Variants in ZNF438 observed in about 807,000 individuals in gnomAD.
The protein encoded by ZNF438 is zinc finger protein 438.
Under a neutral mutation model 38.0 loss-of-function variants are expected in ZNF438, and 25 were observed. That is an observed-to-expected ratio of 0.66 (90% CI 0.48 to 0.92). ZNF438 has a LOEUF of 0.92. ZNF438 is among the 40% of genes least tolerant of loss of function. The pLI is 0.00. For missense variants in ZNF438, 1,007 were observed against 999.6 expected (o/e 1.01, Z -0.10); for synonymous variants, 372 against 364.1 (o/e 1.02, Z -0.25).
intron 1 of ZNF438, among the ~76,000 whole-genome samples, chr10:30,980,332 C>T (rs1342197974): frequency 6.6e-6 from 1 of 151,290 alleles, no homozygotes; most frequent in Admixed American, 6.6e-5. Flanking sequence ...TAAGGAAGGC[C>T]GGTTAGAAGA....
intron 2 of ZNF438, among the ~76,000 whole-genome samples, chr10:30,925,560 C>G (rs2044817087): frequency 6.6e-6 from 1 of 152,136 alleles, no homozygotes; most frequent in South Asian, 2.1e-4. Flanking sequence ...TTTGCTATCC[C>G]CTTCACAGTG....
intron 1 of ZNF438, among the ~76,000 whole-genome samples, chr10:30,945,462 T>C (rs2047291017): frequency 6.6e-6 from 1 of 152,008 alleles, no homozygotes; most frequent in African/African-American, 2.4e-5. Flanking sequence ...GCAGGTTAGT[T>C]ACATACGTAT....
intron 2 of ZNF438, among the ~76,000 whole-genome samples, chr10:30,938,628 C>G (rs1324781256): frequency 6.6e-6 from 1 of 152,200 alleles, no homozygotes; most frequent in Non-Finnish European, 1.5e-5. Flanking sequence ...AGTATCCTTA[C>G]AACCATGGGG....
intron 1 of ZNF438, among the ~76,000 whole-genome samples, chr10:31,012,345 G>A (rs934958300): frequency 2.6e-5 from 4 of 151,930 alleles, no homozygotes; most frequent in African/African-American, 2.4e-5. Flanking sequence ...GGATGGTCTC[G>A]ATCTCCTGAC....
At chr10:30,866,704 G>A (rs530860883) in intron 4 of ZNF438, among the ~76,000 whole-genome samples, 1 of 152,168 alleles carries the variant, frequency 6.6e-6, no homozygotes, top group African/African-American at 2.4e-5. Flanking sequence ...CGTGGTGACA[G>A]GCACCTGTAG....
chr10:30,896,450 A>C (rs187065979), intron 3 of ZNF438, among the ~76,000 whole-genome samples: 5 of 152,358 alleles, frequency 3.3e-5, no homozygotes, highest in Non-Finnish European at 5.9e-5. Context: ...TGTGATATAT[A>C]CATACAATGG....
rs554160209 is a variant in ZNF438 at position 30,938,441 on chromosome 10, A to G, written c.-115+3134T>C. Among the ~76,000 whole-genome samples the G allele has an allele frequency of 1.3e-3, 196 of 151,724 alleles. 4 individuals are homozygous for G. In the South Asian group the frequency reaches 0.03, roughly 23 times the overall value. On this transcript the variant is annotated intron_variant, in intron 2 of 5. Transcript: ENST00000413025. Reference sequence around the variant, plus strand: ...CAGGTGCACGCCACCATGCCTGGCTAATTTGTGTATTTTTAGTAGAGATGG... The same window carrying G: ...CAGGTGCACGCCACCATGCCTGGCTGATTTGTGTATTTTTAGTAGAGATGG...
intron 2 of ZNF438, among the ~76,000 whole-genome samples, chr10:30,921,663 A>G (rs1307377392): frequency 6.6e-6 from 1 of 152,100 alleles, no homozygotes; most frequent in Admixed American, 6.5e-5. Context: ...TTAAGTTTGG[A>G]CTTTTTGTTG....
intron 5 of ZNF438, among the ~76,000 whole-genome samples, chr10:30,846,564 G>A (rs1050626620): frequency 2.6e-5 from 4 of 152,238 alleles, no homozygotes; most frequent in Non-Finnish European, 5.9e-5. Context: ...CACACTTCAT[G>A]GAGCCAGTGG....
chr10:30,925,883 G>A (rs576228817), intron 2 of ZNF438, among the ~76,000 whole-genome samples: 1 of 152,188 alleles, frequency 6.6e-6, no homozygotes, highest in South Asian at 2.1e-4. Context: ...TACAATTTGG[G>A]TACATTTATC....
intron 4 of ZNF438, among the ~76,000 whole-genome samples, chr10:30,868,703 A>T (rs1053665913): frequency 6.6e-6 from 1 of 152,266 alleles, no homozygotes; most frequent in East Asian, 1.9e-4. Context: ...CACACTAACC[A>T]TCTGCATAAA....
chr10:30,946,834 T>C (rs1270716853), intron 1 of ZNF438, among the ~76,000 whole-genome samples: 2 of 152,214 alleles, frequency 1.3e-5, no homozygotes, highest in African/African-American at 4.8e-5. Context: ...GAATACTTTT[T>C]AGTTTTCCAT....
intron 1 of ZNF438, among the ~76,000 whole-genome samples, chr10:30,963,020 T>C (rs920082783): frequency 1.3e-5 from 2 of 152,202 alleles, no homozygotes; most frequent in Non-Finnish European, 2.9e-5. Context: ...ATAAATTATA[T>C]TCATTTTAAA....
At chr10:30,987,209 T>G (rs937675659) in intron 1 of ZNF438, among the ~76,000 whole-genome samples, 2 of 151,904 alleles carry the variant, frequency 1.3e-5, no homozygotes, top group African/African-American at 4.8e-5. Flanking sequence ...AATCCCAACA[T>G]TTTGGGAGGA....
At chr10:30,989,184 T>C (rs2053190165) in intron 1 of ZNF438, among the ~76,000 whole-genome samples, 1 of 152,160 alleles carries the variant, frequency 6.6e-6, no homozygotes, top group South Asian at 2.1e-4. Context: ...ATTTGCCAAC[T>C]CCCAAAATCC....
intron 1 of ZNF438, among the ~76,000 whole-genome samples, chr10:30,944,831 C>T (rs544142689): frequency 6.6e-6 from 1 of 152,256 alleles, no homozygotes; most frequent in East Asian, 1.9e-4. Context: ...ATTAAACTGT[C>T]GAATGTATTG....
chr10:30,898,104 G>T (rs932921095), intron 3 of ZNF438, among the ~76,000 whole-genome samples: 2 of 152,108 alleles, frequency 1.3e-5, no homozygotes, highest in Admixed American at 6.6e-5. Context: ...CTAAGTAAAG[G>T]CATATAATAG....
At chr10:30,877,955 G>C (rs2038682824) in intron 3 of ZNF438, among the ~76,000 whole-genome samples, 1 of 152,186 alleles carries the variant, frequency 6.6e-6, no homozygotes, top group Non-Finnish European at 1.5e-5. Flanking sequence ...TTCTAGCCAA[G>C]ATGGAGTAAC....
At chr10:30,964,201 G>A (rs1374087600) in intron 1 of ZNF438, among the ~76,000 whole-genome samples, 1 of 152,152 alleles carries the variant, frequency 6.6e-6, no homozygotes, top group African/African-American at 2.4e-5. Flanking sequence ...CAGGAAGTGT[G>A]ATAACTGTCA....
Sources: gnomAD v4.1 joint callset for allele counts (sites outside exome capture counted in the v4.1 genomes callset) on GRCh38, gnomAD v4.1.1 for gene constraint, MANE v1.5 for transcripts, NCBI Gene and HGNC (gene_info 2026-07-23, HGNC 2026-07-21) for gene names.